The following EYS variants were observed in gnomAD, a reference collection of about 807,000 sequenced individuals.
The protein encoded by EYS is protein eyes shut homolog.
In EYS, 250 loss-of-function variants were observed where a neutral mutation model predicts 282.1. The ratio of observed to expected loss-of-function variants is 0.89; its 90% CI spans 0.80 to 0.98. The LOEUF (loss-of-function observed/expected upper bound fraction) is 0.98, where lower values mean the gene tolerates loss of function less well. Among genes scored for constraint, EYS ranks in the 50% least tolerant of loss-of-function variants. EYS has a pLI of 0.00. For missense variants in EYS, 4,016 were observed against 3,709.0 expected (o/e 1.08, Z -2.15); for synonymous variants, 1,355 against 1,282.9 (o/e 1.06, Z -1.20).
intron 22 of EYS, among the ~76,000 whole-genome samples, chr6:64,731,258 C>T (rs887119279): frequency 6.6e-6 from 1 of 152,030 alleles, no homozygotes; most frequent in African/African-American, 2.4e-5. Flanking sequence ...GCAATTGCAA[C>T]AAAAGCCCCA....
chr6:65,157,111 T>C (rs528830061), intron 12 of EYS, among the ~76,000 whole-genome samples: 4 of 151,162 alleles, frequency 2.6e-5, no homozygotes, highest in African/African-American at 9.6e-5. Flanking sequence ...ATATCTCCAT[T>C]AGAGTGTCGA....
intron 15 of EYS, among the ~76,000 whole-genome samples, chr6:64,916,181 A>G (rs985839213): frequency 2.6e-5 from 4 of 152,178 alleles, no homozygotes; most frequent in Non-Finnish European, 4.4e-5. Context: ...GTATTGCACA[A>G]GTATTTATGT....
chr6:63,756,531 T>C (rs902580640), intron 41 of EYS, among the ~76,000 whole-genome samples: 10 of 152,174 alleles, frequency 6.6e-5, no homozygotes, highest in Admixed American at 2.0e-4. Context: ...AGTTTGCCAG[T>C]ATTTTATTGA....
chr6:65,462,037 G>A (rs901815346), intron 5 of EYS, among the ~76,000 whole-genome samples: 1 of 151,960 alleles, frequency 6.6e-6, no homozygotes, highest in Non-Finnish European at 1.5e-5. Flanking sequence ...CATTAAAAAT[G>A]GAAATAACTC....
intron 36 of EYS, among the ~76,000 whole-genome samples, chr6:63,858,827 T>C (rs1427982432): frequency 6.6e-6 from 1 of 152,120 alleles, no homozygotes; most frequent in South Asian, 2.1e-4. Context: ...AAAAGAGTTA[T>C]GAGCTTAACA....
intron 5 of EYS, among the ~76,000 whole-genome samples, chr6:65,471,892 G>T (rs1177392261): frequency 2.0e-5 from 3 of 151,848 alleles, no homozygotes; most frequent in African/African-American, 7.3e-5. Context: ...TTTTAAATGA[G>T]ACATATTTAA....
At chr6:65,502,067 T>C (rs149248819) in intron 2 of EYS, among the ~76,000 whole-genome samples, 1 of 151,902 alleles carries the variant, frequency 6.6e-6, no homozygotes, top group African/African-American at 2.4e-5. Flanking sequence ...GTCTATGTTT[T>C]AGCTTTCATG....
At chr6:64,554,573 A>T (rs1435595500) in intron 26 of EYS, among the ~76,000 whole-genome samples, 5 of 152,094 alleles carry the variant, frequency 3.3e-5, no homozygotes, top group African/African-American at 4.8e-5. Context: ...CCAAGGAAAC[A>T]ATCAACTGAG....
At chr6:65,696,385 GA>G (rs1201740744) in intron 1 of EYS, among the ~76,000 whole-genome samples, 1 of 151,882 alleles carries the variant, frequency 6.6e-6, no homozygotes, top group Non-Finnish European at 1.5e-5. Context: ...TATGCTATAA[GA>G]ATATTAGACA....
intron 22 of EYS, among the ~76,000 whole-genome samples, chr6:64,711,913 A>T (rs910994207): frequency 3.3e-5 from 5 of 152,200 alleles, no homozygotes; most frequent in African/African-American, 1.2e-4. Flanking sequence ...TAAAGCAAAG[A>T]CACCACTCAA....
chr6:65,508,839 G>A (rs1582393146), intron 2 of EYS, among the ~76,000 whole-genome samples: 1 of 152,098 alleles, frequency 6.6e-6, no homozygotes, highest in East Asian at 1.9e-4. Flanking sequence ...AAGAAGATCT[G>A]GGTTCATTTA....
At chr6:63,800,687 C>T (rs1021473856) in intron 37 of EYS, among the ~76,000 whole-genome samples, 15 of 152,128 alleles carry the variant, frequency 9.9e-5, no homozygotes, top group African/African-American at 3.4e-4. Context: ...TGCCTGTAAT[C>T]CCAGCTACTC....
chr6:64,650,685 G>A (rs187847730), intron 22 of EYS, among the ~76,000 whole-genome samples: 37 of 152,132 alleles, frequency 2.4e-4, no homozygotes, highest in Non-Finnish European at 1.0e-4. Context: ...CACCAAGCCT[G>A]AGCTCTAGTA....
intron 32 of EYS, among the ~76,000 whole-genome samples, chr6:64,074,351 AAAT>A (rs1224770526): frequency 6.0e-5 from 9 of 151,130 alleles, no homozygotes; most frequent in African/African-American, 2.2e-4. Context: ...TTATAAAAAG[AAAT>A]AATGAAATAA....
At chr6:65,374,502 G>GTTTTTTTTTT in intron 8 of EYS, among the ~76,000 whole-genome samples, 1 of 144,560 alleles carries the variant, frequency 6.9e-6, no homozygotes. Context: ...TACCTGCGGA[G>GTTTTTTTTTT]TTTTTTTTTT....
At chr6:65,416,106 G>A (rs1562165655) in intron 5 of EYS, among the ~76,000 whole-genome samples, 1 of 151,866 alleles carries the variant, frequency 6.6e-6, no homozygotes, top group Non-Finnish European at 1.5e-5. Flanking sequence ...AATAATGAAA[G>A]TATGGTAAAG....
chr6:64,966,576 G>C (rs1008244100), intron 14 of EYS, among the ~76,000 whole-genome samples: 2 of 152,146 alleles, frequency 1.3e-5, no homozygotes, highest in Non-Finnish European at 2.9e-5. Context: ...GGCTTTAGGG[G>C]AAAATCTGTT....
At chr6:64,027,410 C>T (rs1769576826) in intron 33 of EYS, among the ~76,000 whole-genome samples, 1 of 152,122 alleles carries the variant, frequency 6.6e-6, no homozygotes, top group Non-Finnish European at 1.5e-5. Flanking sequence ...ACCCAATCAG[C>T]CACAGATATC....
intron 31 of EYS, among the ~76,000 whole-genome samples, chr6:64,129,298 A>T (rs927807644): frequency 6.6e-5 from 10 of 152,070 alleles, no homozygotes; most frequent in South Asian, 6.2e-4. Flanking sequence ...GTTTCCTGAC[A>T]TTTTAATGAT....
Sources: allele counts gnomAD v4.1 joint callset (sites outside exome capture counted in the v4.1 genomes callset), GRCh38; gene constraint gnomAD v4.1.1; transcripts MANE v1.5; gene names NCBI Gene and HGNC (gene_info 2026-07-23, HGNC 2026-07-21).